The following GRID2 variants were observed in gnomAD, a reference collection of about 807,000 sequenced individuals.
GRID2 encodes the protein glutamate receptor ionotropic, delta-2.
In GRID2, 33 loss-of-function variants were observed where a neutral mutation model predicts 114.8. The observed-to-expected ratio is 0.29, with a 90% CI of 0.22 to 0.38. The LOEUF (loss-of-function observed/expected upper bound fraction) is 0.38, where lower values mean the gene tolerates loss of function less well. Among genes scored for constraint, GRID2 ranks in the 10% least tolerant of loss-of-function variants. The pLI, the probability that GRID2 is intolerant of heterozygous loss-of-function variation, is 1.00. For synonymous variants in GRID2, 505 were observed against 449.9 expected (o/e 1.12, Z -1.55); for missense variants, 1,184 against 1,257.7 (o/e 0.94, Z 0.89).
intron 2 of GRID2, among the ~76,000 whole-genome samples, chr4:92,698,725 C>T (rs1206966180): frequency 6.6e-6 from 1 of 151,670 alleles, no homozygotes; most frequent in Non-Finnish European, 1.5e-5. Flanking sequence ...AGACAATTGC[C>T]TATTTTAAAA....
intron 2 of GRID2, among the ~76,000 whole-genome samples, chr4:92,926,420 A>G (rs1749813278): frequency 6.6e-6 from 1 of 152,048 alleles, no homozygotes; most frequent in Admixed American, 6.6e-5. Flanking sequence ...TACATACAAT[A>G]GAAAGTGGTG....
intron 8 of GRID2, among the ~76,000 whole-genome samples, chr4:93,362,579 C>G (rs983408002): frequency 1.3e-5 from 2 of 152,002 alleles, no homozygotes; most frequent in African/African-American, 4.8e-5. Flanking sequence ...AGCTTTGCTT[C>G]CCCTTCCATA....
At chr4:93,787,618 A>G (rs1051805824) in intron 1 of GRID2, among the ~76,000 whole-genome samples, 1 of 152,254 alleles carries the variant, frequency 6.6e-6, no homozygotes, top group East Asian at 1.9e-4. Flanking sequence ...CCTACTGGTC[A>G]TTGTCTTTCT....
intron 2 of GRID2, among the ~76,000 whole-genome samples, chr4:92,730,202 T>A (rs887454409): frequency 6.6e-6 from 1 of 151,966 alleles, no homozygotes; most frequent in Non-Finnish European, 1.5e-5. Context: ...TCCTCAACAA[T>A]GTTTGCATTC....
chr4:92,472,552 A>G (rs1031115415), intron 1 of GRID2, among the ~76,000 whole-genome samples: 1 of 152,188 alleles, frequency 6.6e-6, no homozygotes, highest in Admixed American at 6.5e-5. Flanking sequence ...CTGGTAATGT[A>G]TAAGAGTTTC....
At chr4:93,334,303 C>G (rs2117126) in intron 8 of GRID2, among the ~76,000 whole-genome samples, 37,742 of 151,900 alleles carry the variant, frequency 0.25, 7,740 homozygotes, top group African/African-American at 0.56. Context: ...GACTCTAAAT[C>G]GTTTTGAAAC....
At chr4:92,359,560 A>T (rs745736265) in intron 1 of GRID2, among the ~76,000 whole-genome samples, 2 of 151,958 alleles carry the variant, frequency 1.3e-5, no homozygotes, top group Non-Finnish European at 2.9e-5. Flanking sequence ...TTTACTAAAC[A>T]TGTGTTATGC....
At chr4:92,759,772 T>A (rs1010977173) in intron 2 of GRID2, among the ~76,000 whole-genome samples, 2 of 151,446 alleles carry the variant, frequency 1.3e-5, no homozygotes, top group African/African-American at 4.9e-5. Flanking sequence ...CCGGGCTTTT[T>A]TTTCTTCTTC....
intron 2 of GRID2, among the ~76,000 whole-genome samples, chr4:92,747,530 A>T (rs1737212852): frequency 6.6e-6 from 1 of 151,996 alleles, no homozygotes; most frequent in Non-Finnish European, 1.5e-5. Flanking sequence ...TCAGGGAGGG[A>T]GGGGGAAATG....
intron 2 of GRID2, among the ~76,000 whole-genome samples, chr4:92,924,604 C>A (rs993009639): frequency 2.6e-5 from 4 of 152,022 alleles, no homozygotes; most frequent in African/African-American, 9.7e-5. Context: ...GTAGATAGAT[C>A]GGTCCATGCC....
chr4:93,587,177 G>A (rs898425522), intron 13 of GRID2, among the ~76,000 whole-genome samples: 6 of 151,946 alleles, frequency 3.9e-5, no homozygotes, highest in East Asian at 1.9e-4. Context: ...CAGACTGCTC[G>A]AGACACTGAG....
At chr4:93,790,754 CAA>C (rs1026541872) in intron 1 of GRID2, among the ~76,000 whole-genome samples, 3 of 152,056 alleles carry the variant, frequency 2.0e-5, no homozygotes, top group Non-Finnish European at 2.9e-5. Flanking sequence ...CCTGAGAGAA[CAA>C]AGTTAGTGGC....
chr4:93,617,880 G>T (rs1040483735), intron 13 of GRID2, among the ~76,000 whole-genome samples: 10 of 152,130 alleles, frequency 6.6e-5, no homozygotes, highest in Non-Finnish European at 1.3e-4. Flanking sequence ...GAAAAACAGT[G>T]ACAGCAACTG....
chr4:92,651,343 A>T (rs1269753708), intron 2 of GRID2, among the ~76,000 whole-genome samples: 1 of 152,024 alleles, frequency 6.6e-6, no homozygotes, highest in African/African-American at 2.4e-5. Context: ...AACAGTGGTC[A>T]TAGCCTGGTC....
intron 1 of GRID2, among the ~76,000 whole-genome samples, chr4:92,541,545 CTA>C (rs1459780038): frequency 6.6e-6 from 1 of 151,772 alleles, no homozygotes; most frequent in Non-Finnish European, 1.5e-5. Flanking sequence ...TTATAGCAAT[CTA>C]TGTTCATATT....
chr4:93,292,668 T>C (rs1230987848), intron 8 of GRID2, among the ~76,000 whole-genome samples: 1 of 152,304 alleles, frequency 6.6e-6, no homozygotes, highest in Non-Finnish European at 1.5e-5. Flanking sequence ...AAGACTTAAG[T>C]TATAAATTTT....
At chr4:93,339,523 A>G (rs1258884951) in intron 8 of GRID2, among the ~76,000 whole-genome samples, 1 of 152,178 alleles carries the variant, frequency 6.6e-6, no homozygotes, top group South Asian at 2.1e-4. Flanking sequence ...TTCAGAGGGA[A>G]TATGGCCCTG....
At chr4:93,417,320 A>G (rs527360988) in intron 9 of GRID2, among the ~76,000 whole-genome samples, 100 of 152,148 alleles carry the variant, frequency 6.6e-4, no homozygotes, top group African/African-American at 2.4e-3. Flanking sequence ...CTTCCACAAA[A>G]TCTTCAATTC....
intron 2 of GRID2, among the ~76,000 whole-genome samples, chr4:92,617,611 G>A (rs138295049): frequency 4.4e-4 from 67 of 151,656 alleles, no homozygotes; most frequent in African/African-American, 1.5e-3. Context: ...GTAATCTGTT[G>A]CTAGATTCCT....
Sources: gnomAD v4.1 joint callset for allele counts (sites outside exome capture counted in the v4.1 genomes callset) on GRCh38, gnomAD v4.1.1 for gene constraint, MANE v1.5 for transcripts, NCBI Gene and HGNC (gene_info 2026-07-23, HGNC 2026-07-21) for gene names.